SLC2A14: variants seen among roughly 807,000 people sequenced by gnomAD.
SLC2A14 encodes the protein solute carrier family 2, facilitated glucose transporter member 14.
A neutral mutation model predicts 43.0 loss-of-function variants in SLC2A14; 13 were observed. That is an observed-to-expected ratio of 0.30 (90% confidence interval 0.20 to 0.48). The LOEUF (loss-of-function observed/expected upper bound fraction) is 0.48. Ranked by LOEUF, SLC2A14 falls within the 20% of genes least tolerant of loss-of-function variation. The pLI, the probability that SLC2A14 is intolerant of heterozygous loss-of-function variation, is 0.99. For missense variants in SLC2A14, 428 were observed against 620.4 expected (o/e 0.69, Z 3.29); for synonymous variants, 190 against 233.8 (o/e 0.81, Z 1.71).
intron 2 of SLC2A14, among the ~76,000 whole-genome samples, chr12:7,851,152 T>C (rs189116038): frequency 2.0e-4 from 31 of 152,236 alleles, no homozygotes; most frequent in African/African-American, 6.5e-4. Flanking sequence ...CAGACTGTGG[T>C]ACAGACTACG....
At chr12:7,874,838 T>TTATATATAAA (rs1339074569), upstream of SLC2A14, among the ~76,000 whole-genome samples, 24 of 85,802 alleles carry the variant, frequency 2.8e-4, no homozygotes, top group Non-Finnish European at 5.1e-4. Context: ...TATATATAAA[T>TTATATATAAA]ACGTATTTAT....
intron 1 of SLC2A14, among the ~76,000 whole-genome samples, chr12:7,885,656 A>T (rs1439181237): frequency 6.6e-6 from 1 of 151,664 alleles, no homozygotes; most frequent in Non-Finnish European, 1.5e-5. Context: ...TATCATGGGG[A>T]GTGAAAAAAG....
At chr12:7,873,232 G>C (rs191963754), upstream of SLC2A14, 7 of 985,488 alleles carry the variant, frequency 7.1e-6, no homozygotes, top group East Asian at 2.3e-4. Flanking sequence ...GGGTGTGAAC[G>C]TATCTATTTT....
At chr12:7,887,572 GATAGATA>G (rs1945708010) in intron 1 of SLC2A14, among the ~76,000 whole-genome samples, 1 of 131,612 alleles carries the variant, frequency 7.6e-6, no homozygotes, top group Admixed American at 7.4e-5. Context: ...TAGATAGATA[GATAGATA>G]GATAGATAGA....
intron 2 of SLC2A14, among the ~76,000 whole-genome samples, chr12:7,861,359 T>C (rs1190279589): frequency 1.3e-5 from 2 of 152,142 alleles, no homozygotes; most frequent in Non-Finnish European, 2.9e-5. Flanking sequence ...TTTAAGTAGC[T>C]TCCAGGGATT....
At chr12:7,846,370 C>T (rs1293051012) in intron 2 of SLC2A14, among the ~76,000 whole-genome samples, 3 of 151,666 alleles carry the variant, frequency 2.0e-5, no homozygotes, top group African/African-American at 7.3e-5. Context: ...CACTCAACAA[C>T]CCTTCCCTAC....
At chr12:7,839,971 G>T (rs1439991025) in intron 2 of SLC2A14, 3 of 382,866 alleles carry the variant, frequency 7.8e-6, no homozygotes, top group Non-Finnish European at 1.5e-5. Flanking sequence ...AATTAGTGAG[G>T]CATGGTGGTT....
chr12:7,841,865 C>T (rs551130989), intron 2 of SLC2A14, among the ~76,000 whole-genome samples: 35 of 151,940 alleles, frequency 2.3e-4, no homozygotes, highest in African/African-American at 7.0e-4. Flanking sequence ...ATTAGCCGGG[C>T]GTAGTGGTGC....
chr12:7,881,244 G>A (rs1436652644), intron 1 of SLC2A14, among the ~76,000 whole-genome samples: 3 of 152,130 alleles, frequency 2.0e-5, no homozygotes, highest in Non-Finnish European at 2.9e-5. Context: ...GGCCTAGGCC[G>A]GAGCCAGCTC....
chr12:7,889,845 T>A (rs1945746693), intron 1 of SLC2A14, among the ~76,000 whole-genome samples: 2 of 152,144 alleles, frequency 1.3e-5, no homozygotes, highest in Admixed American at 6.6e-5. Flanking sequence ...TGCCCATTTT[T>A]ATGGTTATTA....
intron 2 of SLC2A14, among the ~76,000 whole-genome samples, chr12:7,862,061 T>A (rs1944593189): frequency 6.6e-6 from 1 of 150,962 alleles, no homozygotes; most frequent in South Asian, 2.1e-4. Flanking sequence ...GTGAGGAGTT[T>A]GAGACCAGCT....
At position 7,819,572 on chromosome 12, in the gene SLC2A14, C is replaced by A; in HGVS notation, c.981G>T (p.Val327=). The change falls in exon 9 of 11, where the codon GTG becomes GTT. Residue 327 remains valine, a synonymous_variant. Coordinates refer to ENST00000431042, the MANE Select transcript of SLC2A14 (RefSeq NM_001286234.2). ...GCAGAGTCCTTCTTCCTGCCCTTTCCACCAGAAATAGCTGGAAGAAGAATA... is the reference window on the plus strand; with the variant it reads ...GCAGAGTCCTTCTTCCTGCCCTTTCAACCAGAAATAGCTGGAAGAAGAATA... ...TIFTLLSLFL[V]ERAGRRTLHM... The A allele has an allele frequency of 2.5e-6, 4 of 1,603,060 alleles. No individual in the cohort carries two copies. The highest frequency in any genetic ancestry group is 3.4e-6 in the Non-Finnish European group (4 of 1,176,050).
intron 7 of SLC2A14, among the ~76,000 whole-genome samples, chr12:7,826,860 T>TCCTTCCTTCCTTCCTTCC (rs377050811): frequency 2.8e-5 from 2 of 71,464 alleles, no homozygotes; most frequent in Non-Finnish European, 5.5e-5. Flanking sequence ...CTTCCTTTCT[T>TCCTTCCTTCCTTCCTTCC]TTTTCTTTCT....
In SLC2A14 at chr12:7,879,310, C is replaced by CAAAA. The variant is rs745333898; in HGVS notation, c.132+11682_132+11685dup. On this transcript the variant is annotated intron_variant, in intron 1 of 9. Coordinates refer to the SLC2A14 transcript ENST00000539924. The stretch of plus-strand genomic sequence containing the variant: ...AAAACCTAGCAAGACCTCAACTCTG[C>CAAAA]AAAAAAAAACAAACAACAACAAAAA... Among the ~76,000 whole-genome samples the CAAAA allele has an allele frequency of 6.2e-4, 41 of 65,802 alleles. No homozygotes were observed. In the East Asian group the frequency reaches 0.017, roughly 27 times the overall value. The allele number at this position is 65,802 out of a possible 152,430, so 43.2% of individuals were successfully genotyped here.
At position 7,823,786 on chromosome 12, in the gene SLC2A14, T is replaced by A. The variant is rs1383603600; in HGVS notation, c.865-2461A>T. Among the ~76,000 whole-genome samples, 15 of 152,206 alleles carry A rather than the reference T, an allele frequency of 9.9e-5. No homozygotes were observed. In the East Asian group the frequency reaches 2.5e-3, roughly 26 times the overall value. On this transcript the variant is annotated intron_variant, in intron 7 of 10. Coordinates refer to ENST00000431042, the MANE Select transcript of SLC2A14 (RefSeq NM_001286234.2). ...CTCAAGTTAACAAGGGAACATTATC[T>A]AGGTTACCCAGGTTCACTTCAGTTT...
chr12:7,876,302 A>AAAAAAAAC, upstream of SLC2A14, among the ~76,000 whole-genome samples: 1 of 149,594 alleles, frequency 6.7e-6, no homozygotes, highest in Non-Finnish European at 1.5e-5. Context: ...AAAAAAAAAA[A>AAAAAAAAC]AAGAGAGACA....
chr12:7,881,698 GC>G (rs927372243), intron 1 of SLC2A14, among the ~76,000 whole-genome samples: 28 of 152,166 alleles, frequency 1.8e-4, no homozygotes, highest in Admixed American at 9.2e-4. Context: ...TCCACCTCCA[GC>G]CCCAGTGCAA....
At chr12:7,869,576 G>A (rs748671253) in intron 2 of SLC2A14, among the ~76,000 whole-genome samples, 2 of 152,040 alleles carry the variant, frequency 1.3e-5, no homozygotes, top group Admixed American at 1.3e-4. Flanking sequence ...TGATTATTAC[G>A]GAGGCCTGTT....
chr12:7,877,744 T>C (rs1855054573), upstream of SLC2A14, among the ~76,000 whole-genome samples: 1 of 151,954 alleles, frequency 6.6e-6, no homozygotes, highest in South Asian at 2.1e-4. Context: ...TTTTACATTT[T>C]TGTTTTAAAT....
Sources: gnomAD v4.1 joint callset for allele counts (sites outside exome capture counted in the v4.1 genomes callset) on GRCh38, gnomAD v4.1.1 for gene constraint, MANE v1.5 for transcripts, NCBI Gene and HGNC (gene_info 2026-07-23, HGNC 2026-07-21) for gene names.